Variants in PTP4A1 observed in about 807,000 individuals in gnomAD.
PTP4A1 encodes protein tyrosine phosphatase 4A1.
Under a neutral mutation model 20.5 loss-of-function variants are expected in PTP4A1, and 9 were observed. The ratio of observed to expected loss-of-function variants is 0.44; its 90% CI spans 0.26 to 0.77. PTP4A1 has a LOEUF of 0.77. Among genes scored for constraint, PTP4A1 ranks in the 30% least tolerant of loss-of-function variants. PTP4A1 has a pLI of 0.19. For missense variants in PTP4A1, 137 were observed against 218.8 expected (o/e 0.63, Z 2.36); for synonymous variants, 78 against 67.4 (o/e 1.16, Z -0.77).
intron 2 of PTP4A1, among the ~76,000 whole-genome samples, chr6:63,536,778 A>G (rs1775747052): frequency 1.3e-5 from 2 of 152,270 alleles, no homozygotes; most frequent in African/African-American, 4.8e-5. Context: ...AAAAGGTTTT[A>G]TTATATTATT....
chr6:63,574,253 T>G (rs145569059), intron 1 of PTP4A1, among the ~76,000 whole-genome samples: 204 of 152,284 alleles, frequency 1.3e-3, no homozygotes, highest in African/African-American at 4.8e-3. Flanking sequence ...TTACACACAT[T>G]AATTGGCTTG....
chr6:63,552,804 T>C (rs1238453129), intron 3 of PTP4A1, among the ~76,000 whole-genome samples: 2 of 152,220 alleles, frequency 1.3e-5, no homozygotes, highest in East Asian at 3.8e-4. Context: ...CCTTTCCCCA[T>C]TTCTTGTTTT....
At chr6:63,535,336 T>C (rs1318102876) in intron 2 of PTP4A1, among the ~76,000 whole-genome samples, 2 of 152,018 alleles carry the variant, frequency 1.3e-5, no homozygotes, top group African/African-American at 2.4e-5. Context: ...CATAGTGGCA[T>C]GCTTGTAATC....
chr6:63,566,399 T>G (rs1232719571), intron 3 of PTP4A1, among the ~76,000 whole-genome samples: 3 of 151,922 alleles, frequency 2.0e-5, no homozygotes, highest in African/African-American at 7.3e-5. Context: ...AGGGTCGGGG[T>G]CAGTTTCTTT....
intron 2 of PTP4A1, among the ~76,000 whole-genome samples, 165 bp downstream of exon 2, chr6:63,577,150 AC>A (rs1440974889): frequency 1.3e-5 from 2 of 152,230 alleles, no homozygotes; most frequent in Non-Finnish European, 2.9e-5. Context: ...GTATATTTGT[AC>A]ATTTTGAGAA....
At chr6:63,555,980 C>G (rs865939040) in intron 3 of PTP4A1, among the ~76,000 whole-genome samples, 1 of 151,978 alleles carries the variant, frequency 6.6e-6, no homozygotes, top group Non-Finnish European at 1.5e-5. Flanking sequence ...AGTGAGCCAC[C>G]GTACCTGGCC....
At chr6:63,567,206 A>G (rs969631820) in intron 3 of PTP4A1, among the ~76,000 whole-genome samples, 6 of 152,224 alleles carry the variant, frequency 3.9e-5, no homozygotes, top group Non-Finnish European at 8.8e-5. Context: ...GAATGTTCTT[A>G]ATGGCATCTA....
intron 2 of PTP4A1, among the ~76,000 whole-genome samples, chr6:63,529,042 T>C (rs570562628): frequency 8.6e-5 from 13 of 150,826 alleles, no homozygotes; most frequent in Non-Finnish European, 1.8e-4. Flanking sequence ...TGAGCCGAGA[T>C]TGCACCACTG....
At chr6:63,572,774 C>T (rs1210251157) in intron 1 of PTP4A1, 55 bp downstream of exon 1, 1 of 398,524 alleles carries the variant, frequency 2.5e-6, no homozygotes, top group Non-Finnish European at 4.4e-6. Flanking sequence ...ACCGGCCCCC[C>T]ATCCCCGCTG....
chr6:63,542,539 C>A (rs1424586419), intron 2 of PTP4A1, among the ~76,000 whole-genome samples: 1 of 152,134 alleles, frequency 6.6e-6, no homozygotes, highest in Non-Finnish European at 1.5e-5. Context: ...CATATTCCTT[C>A]TTCCCATGTT....
intron 3 of PTP4A1, among the ~76,000 whole-genome samples, chr6:63,551,618 T>C (rs901861852): frequency 1.3e-5 from 2 of 152,176 alleles, no homozygotes; most frequent in Non-Finnish European, 2.9e-5. Context: ...ACATGTGCCA[T>C]GTTGGTGTGC....
At chr6:63,575,750 A>G (rs1344255557) in intron 1 of PTP4A1, among the ~76,000 whole-genome samples, 1 of 152,166 alleles carries the variant, frequency 6.6e-6, no homozygotes, top group Non-Finnish European at 1.5e-5. Context: ...CATTCTTATG[A>G]TATTTCACAT....
chr6:63,540,218 A>G (rs560674146), intron 2 of PTP4A1, among the ~76,000 whole-genome samples: 4 of 152,318 alleles, frequency 2.6e-5, no homozygotes, highest in Non-Finnish European at 5.9e-5. Flanking sequence ...TTACTCCTTG[A>G]ACAACCTACC....
chr6:63,540,877 C>T (rs1429774211), intron 2 of PTP4A1, among the ~76,000 whole-genome samples: 1 of 151,218 alleles, frequency 6.6e-6, no homozygotes, highest in Non-Finnish European at 1.5e-5. Flanking sequence ...GTGGCGGTCA[C>T]CTATAATCCC....
chr6:63,540,309 A>G (rs1318878687), intron 2 of PTP4A1, among the ~76,000 whole-genome samples: 2 of 152,136 alleles, frequency 1.3e-5, no homozygotes, highest in African/African-American at 2.4e-5. Context: ...TAAAATCCAG[A>G]TGTGTATAGA....
At chr6:63,567,926 C>T (rs1777258480), upstream of PTP4A1, among the ~76,000 whole-genome samples, 1 of 152,204 alleles carries the variant, frequency 6.6e-6, no homozygotes. Flanking sequence ...TACTCTTAAA[C>T]CTCATGAATC....
rs1778154115 is a variant in PTP4A1 at position 63,580,424 on chromosome 6, G to A, written c.*250G>A. On this transcript the variant is annotated 3_prime_UTR_variant, in exon 6 of 6. Transcript: ENST00000626021. The stretch of plus-strand genomic sequence containing the variant: ...AATGTGCTTGTCATTTGTATCAATT[G>A]ACCTTTCCCCAAATCATGCAGTATT... 2.5e-6 allele frequency: 1 copy of A among 407,266 alleles called. No homozygotes were observed. Among genetic ancestry groups the A allele is most frequent in the East Asian group, 4.0e-5 (1 of 24,822 alleles). 25.2% of individuals were successfully genotyped at this position (407,266 alleles called of 1,614,324 possible).
At chr6:63,552,500 T>C (rs927079503) in intron 3 of PTP4A1, among the ~76,000 whole-genome samples, 4 of 152,198 alleles carry the variant, frequency 2.6e-5, no homozygotes, top group Non-Finnish European at 5.9e-5. Flanking sequence ...TTCACTCTGA[T>C]GGTAGTTTCT....
At chr6:63,551,066 T>C (rs1040639947) in intron 3 of PTP4A1, among the ~76,000 whole-genome samples, 7 of 152,076 alleles carry the variant, frequency 4.6e-5, no homozygotes, top group Non-Finnish European at 1.0e-4. Flanking sequence ...GTGGGTAATT[T>C]GTTGTTGCTG....
Sources: gnomAD v4.1 joint callset for allele counts (sites outside exome capture counted in the v4.1 genomes callset) on GRCh38, gnomAD v4.1.1 for gene constraint, MANE v1.5 for transcripts, NCBI Gene and HGNC (gene_info 2026-07-23, HGNC 2026-07-21) for gene names.